The following LCN2 variants were observed in gnomAD, a reference collection of about 807,000 sequenced individuals.
The protein encoded by LCN2 is neutrophil gelatinase-associated lipocalin.
In LCN2, 27 loss-of-function variants were observed where a neutral mutation model predicts 26.4. The observed-to-expected ratio is 1.02, with a 90% CI of 0.76 to 1.41. The LOEUF (loss-of-function observed/expected upper bound fraction) is 1.41. LCN2 is among the 40% of genes most tolerant of loss of function. LCN2 has a pLI of 0.00. For missense variants in LCN2, 224 were observed against 237.6 expected (o/e 0.94, Z 0.38); for synonymous variants, 94 against 98.9 (o/e 0.95, Z 0.30).
At chr9:128,151,486 G>A (rs764525138) in intron 2 of LCN2, 152 bp from the exon 3 acceptor site, 2 of 667,972 alleles carry the variant, frequency 3.0e-6, no homozygotes. Context: ...GGTGGGGTAG[G>A]GCCCCTCCAG....
rs768013801 is a variant in LCN2, at chr9:128,151,984, A to C, written c.434A>C (p.Lys145Thr). 189 of 1,613,986 alleles carry C rather than the reference A, an allele frequency of 1.2e-4. No homozygotes were observed. Among genetic ancestry groups the C allele is most frequent in the Non-Finnish European group, 5.4e-5 (64 of 1,179,994 alleles). The change falls in exon 4 of 7, where the codon AAA (lysine) becomes ACA (threonine). Residue 145 changes from lysine (K) to threonine (T), a missense_variant. Physicochemically the swap from Lys to Thr is moderately conservative, Grantham distance 78. Transcript: ENST00000277480. ...YNQHAMVFFKKVSQNREYFKI... is the reference protein window; with the variant it reads ...YNQHAMVFFKTVSQNREYFKI... ...CAGCATGCTATGGTGTTCTTCAAGA[A>C]AGTTTCTCAAAACAGGGAGTACTTC... is the stretch of plus-strand genomic sequence containing the variant.
intron 5 of LCN2, among the ~76,000 whole-genome samples, chr9:128,152,491 C>T (rs1388236001): frequency 3.3e-5 from 5 of 152,170 alleles, no homozygotes; most frequent in African/African-American, 4.8e-5. Flanking sequence ...GGACCCAGGC[C>T]GCAAGTGCTC....
chr9:128,149,606 G>C lies in LCN2; in HGVS notation c.81G>C (p.Leu27=). The C allele has an allele frequency of 6.2e-7, 1 of 1,613,976 alleles. No homozygotes were observed. Among genetic ancestry groups the C allele is most frequent in the Non-Finnish European group, 8.5e-7 (1 of 1,179,958 alleles). The change falls in exon 1 of 7, where the codon CTG becomes CTC. Residue 27 remains leucine, a synonymous_variant. Transcript: ENST00000277480. Reference sequence around the variant, plus strand: ...AGGCCCAGGACTCCACCTCAGACCTGATCCCAGCCCCACCTCTGAGCAAGG... The same window carrying C: ...AGGCCCAGGACTCCACCTCAGACCTCATCCCAGCCCCACCTCTGAGCAAGG... ...HAQAQDSTSD[L]IPAPPLSKVP... is the part of the protein sequence containing the mutation.
intron 1 of LCN2, 111 bp downstream of exon 1, chr9:128,149,774 A>T: frequency 2.2e-6 from 3 of 1,346,714 alleles, no homozygotes; most frequent in South Asian, 1.3e-5. Flanking sequence ...CTAGGAGTCC[A>T]GGGTCCAGGT....
intron 4 of LCN2, 63 bp from the exon 5 acceptor site, chr9:128,152,120 T>C: frequency 6.2e-7 from 1 of 1,608,130 alleles, no homozygotes; most frequent in South Asian, 1.1e-5. Flanking sequence ...TGAGGCCTCA[T>C]CTACTCATTC....
At position 128,149,606 on chromosome 9, in the gene LCN2, G is replaced by A. The variant is rs1294387927; in HGVS notation, c.81G>A (p.Leu27=). ...AGGCCCAGGACTCCACCTCAGACCT[G>A]ATCCCAGCCCCACCTCTGAGCAAGG... The part of the protein sequence containing the change: ...HAQAQDSTSD[L]IPAPPLSKVP... The change falls in exon 1 of 7, where the codon CTG becomes CTA. Residue 27 remains leucine, a synonymous_variant. Coordinates refer to ENST00000277480, the MANE Select transcript of LCN2 (RefSeq NM_005564.5). 10 of 1,613,858 alleles carry A rather than the reference G, an allele frequency of 6.2e-6. No homozygotes were observed. In the Admixed American group the frequency reaches 1.5e-4, roughly 24 times the overall value.
chr9:128,152,283 C>A lies in LCN2; in HGVS notation c.576C>A (p.Ile192=), dbSNP rs143776517. 6.2e-7 allele frequency: 1 copy of A among 1,613,142 alleles called. No individual in the cohort carries two copies. Among genetic ancestry groups the A allele is most frequent in the Non-Finnish European group, 8.5e-7 (1 of 1,179,256 alleles). ...PENHIVFPVP[I]DQCIDG ...ACCACATCGTCTTCCCTGTCCCAATCGGTAATGGCCAGTCTGGATGAGGGG... is the reference window on the plus strand; with the variant it reads ...ACCACATCGTCTTCCCTGTCCCAATAGGTAATGGCCAGTCTGGATGAGGGG... The change falls in exon 5 of 7, where the codon ATC becomes ATA. Residue 192 remains isoleucine (I), a splice_region_variant and synonymous_variant. Transcript: ENST00000277480.
chr9:128,152,400 G>C (rs1053007958), intron 5 of LCN2, 116 bp downstream of exon 5: 6 of 901,268 alleles, frequency 6.7e-6, no homozygotes, highest in Non-Finnish European at 1.0e-5. Context: ...CACTGGAGCA[G>C]TGGATGGTCC....
At chr9:128,149,914 A>G (rs12003928) in intron 1 of LCN2, among the ~76,000 whole-genome samples, 3,880 of 148,290 alleles carry the variant, frequency 0.026, 152 homozygotes, top group African/African-American at 0.091. Context: ...CATTGTCCAA[A>G]GAAGGTGGGA....
Position 128,150,055 on chromosome 9 carries a change from C to G in LCN2, c.139-183C>G, listed in dbSNP as rs1410561396. ...GAACCGCCTCTTCCCCCAGGACTCC[C>G]TTCTGGACTGATGGCCTCCTGCTCC... On this transcript the variant is annotated intron_variant, in intron 1 of 6. Transcript: ENST00000277480. Among the ~76,000 whole-genome samples the G allele has an allele frequency of 2.6e-5, 4 of 152,246 alleles. No individual in the cohort carries two copies. The East Asian group carries it at 7.7e-4, about 29-fold the overall frequency.
chr9:128,151,636 A>G lies in LCN2; in HGVS notation c.276-2A>G, dbSNP rs1477219363. On this transcript the variant is annotated splice_acceptor_variant, in intron 2 of 6. Transcript: ENST00000277480. LOFTEE classifies it high-confidence loss of function. ...CTCACCCACCCATCTCTCCCTCCCA[A>G]GGAAAAAGAAGTGTGACTACTGGAT... 6.2e-7 allele frequency: 1 copy of G among 1,613,866 alleles called. No homozygotes were observed. Among genetic ancestry groups the G allele is most frequent in the Non-Finnish European group, 8.5e-7 (1 of 1,179,738 alleles).
intron 5 of LCN2, 114 bp downstream of exon 5, chr9:128,152,398 C>A (rs1829141313): frequency 1.1e-6 from 1 of 910,710 alleles, no homozygotes; most frequent in Non-Finnish European, 1.7e-6. Flanking sequence ...GTCACTGGAG[C>A]AGTGGATGGT....
intron 5 of LCN2, 70 bp downstream of exon 5, chr9:128,152,354 ATC>A: frequency 4.4e-6 from 6 of 1,376,252 alleles, no homozygotes; most frequent in East Asian, 2.3e-5. Context: ...CCTACCAGGG[ATC>A]AGGGAGAGGA....
At chr9:128,151,601 T>C (rs1835006881) in intron 2 of LCN2, 37 bp from the exon 3 acceptor site, 7 of 1,547,922 alleles carry the variant, frequency 4.5e-6, no homozygotes, top group Non-Finnish European at 6.3e-6. Flanking sequence ...AAGCCTGGGT[T>C]GTCTCCCCTC....
At chr9:128,149,729 G>C (rs1346984812) in intron 1 of LCN2, 66 bp downstream of exon 1, 2 of 1,592,200 alleles carry the variant, frequency 1.3e-6, no homozygotes, top group African/African-American at 2.7e-5. Context: ...GGGGAGGAGA[G>C]GTGAAGAGAC....
At chr9:128,152,359 G>C (rs1588087191) in intron 5 of LCN2, 75 bp downstream of exon 5, 1 of 1,294,408 alleles carries the variant, frequency 7.7e-7, no homozygotes. Flanking sequence ...CAGGGATCAG[G>C]GAGAGGAGGG....
chr9:128,152,499 C>A (rs1425284435), intron 5 of LCN2, among the ~76,000 whole-genome samples: 1 of 152,222 alleles, frequency 6.6e-6, no homozygotes, highest in Non-Finnish European at 1.5e-5. Context: ...GCCGCAAGTG[C>A]TCTTTCCTGG....
In LCN2 at chr9:128,151,935, C is replaced by G. The variant is rs756180761; in HGVS notation, c.385C>G (p.Arg129Gly). 5.6e-6 allele frequency: 9 copies of G among 1,614,092 alleles called. No homozygotes were observed. The highest frequency in any genetic ancestry group is 4.4e-5 in the South Asian group (4 of 91,080). Residue 129 changes from arginine (R) to glycine (G), a missense_variant, in exon 4 of 7, where the codon CGA becomes GGA. Arg to Gly is a moderately radical substitution (Grantham distance 125). Transcript: ENST00000277480. ...CCCTGGATTAACGAGTTACCTCGTCCGAGTGGTGAGCACCAACTACAACCA... is the reference window on the plus strand; with the variant it reads ...CCCTGGATTAACGAGTTACCTCGTCGGAGTGGTGAGCACCAACTACAACCA... ...SYPGLTSYLV[R>G]VVSTNYNQHA...
chr9:128,150,300 C>T lies in LCN2; in HGVS notation c.201C>T (p.Asp67=). 6.2e-7 allele frequency: 1 copy of T among 1,614,168 alleles called. No individual in the cohort carries two copies. Among genetic ancestry groups the T allele is most frequent in the African/African-American group, 1.3e-5 (1 of 75,038 alleles). The change falls in exon 2 of 7, where the codon GAC becomes GAT. Residue 67 remains aspartate (D), a synonymous_variant. Coordinates refer to ENST00000277480, the MANE Select transcript of LCN2 (RefSeq NM_005564.5). The part of the protein sequence containing the change: ...AGNAILREDK[D]PQKMYATIYE... ...ATGCAATTCTCAGAGAAGACAAAGA[C>T]CCGCAAAAGATGTATGCCACCATCT...
Sources: allele counts gnomAD v4.1 joint callset (sites outside exome capture counted in the v4.1 genomes callset), GRCh38; gene constraint gnomAD v4.1.1; transcripts MANE v1.5; gene names NCBI Gene and HGNC (gene_info 2026-07-23, HGNC 2026-07-21).